Variants in CNTN5 observed in about 807,000 individuals in gnomAD.
The protein encoded by CNTN5 is contactin 5, also known as contactin-5.
In CNTN5, 77 loss-of-function variants were observed where a neutral mutation model predicts 129.1. The ratio of observed to expected loss-of-function variants is 0.60; its 90% CI spans 0.50 to 0.72. CNTN5 has a LOEUF of 0.72. Among genes scored for constraint, CNTN5 ranks in the 30% least tolerant of loss-of-function variants. The pLI, the probability that CNTN5 is intolerant of heterozygous loss-of-function variation, is 0.00. For synonymous variants in CNTN5, 509 were observed against 465.6 expected, an observed-to-expected ratio of 1.09 and a Z score of -1.20; for missense variants, 1,478 against 1,328.8, an observed-to-expected ratio of 1.11 and a Z score of -1.75.
At chr11:100,335,240 A>G (rs1008157338) in intron 21 of CNTN5, among the ~76,000 whole-genome samples, 5 of 152,164 alleles carry the variant, frequency 3.3e-5, no homozygotes, top group African/African-American at 1.2e-4. Flanking sequence ...ATGGTTTTAT[A>G]TGACTGAATG....
At chr11:99,273,594 T>G (rs1332369201) in intron 1 of CNTN5, among the ~76,000 whole-genome samples, 2 of 151,784 alleles carry the variant, frequency 1.3e-5, no homozygotes, top group Admixed American at 6.6e-5. Flanking sequence ...AAAAATATAT[T>G]GTTCCCAAAT....
intron 1 of CNTN5, among the ~76,000 whole-genome samples, chr11:99,054,766 T>A (rs529047495): frequency 6.6e-6 from 1 of 151,974 alleles, no homozygotes; most frequent in East Asian, 1.9e-4. Flanking sequence ...AGGGGTAGGG[T>A]ATTCATAGGT....
At chr11:99,435,884 A>G (rs1042415155) in intron 2 of CNTN5, among the ~76,000 whole-genome samples, 1 of 152,224 alleles carries the variant, frequency 6.6e-6, no homozygotes, top group Admixed American at 6.5e-5. Flanking sequence ...TATGGGGAAG[A>G]TGGTAACAAA....
Position 99,924,292 on chromosome 11 carries a change from G to C in CNTN5, c.673+8143G>C, listed in dbSNP as rs138899822. ...TTTTGGTTTTGTTGCATTTGCTTTTGAGAACTTAGTCATATTTTTTTTGCC... is the reference window on the plus strand; with the variant it reads ...TTTTGGTTTTGTTGCATTTGCTTTTCAGAACTTAGTCATATTTTTTTTGCC... On this transcript the variant is annotated intron_variant, in intron 7 of 24. Transcript: ENST00000524871. Among the ~76,000 whole-genome samples, 270 of 152,124 alleles carry C rather than the reference G, an allele frequency of 1.8e-3. 3 individuals carry two copies. The highest frequency in any genetic ancestry group is 6.0e-3 in the South Asian group (29 of 4,816).
chr11:99,744,332 C>T (rs150489779), intron 3 of CNTN5, among the ~76,000 whole-genome samples: 247 of 151,778 alleles, frequency 1.6e-3, no homozygotes, highest in Middle Eastern at 3.4e-3. Flanking sequence ...AACAAACAAA[C>T]AAACAAACAG....
At chr11:100,120,225 G>C (rs921040527) in intron 13 of CNTN5, among the ~76,000 whole-genome samples, 1 of 151,816 alleles carries the variant, frequency 6.6e-6, no homozygotes, top group Non-Finnish European at 1.5e-5. Context: ...TACTTACTTG[G>C]AATTTTTGTA....
intron 13 of CNTN5, among the ~76,000 whole-genome samples, chr11:100,166,958 GACTT>G (rs908307350): frequency 1.3e-5 from 2 of 151,742 alleles, no homozygotes; most frequent in African/African-American, 4.8e-5. Context: ...TAAGTGAAAT[GACTT>G]ACTTAATGAC....
In CNTN5 at chr11:99,898,313, C is replaced by T. The variant is rs1004606264; in HGVS notation, c.578-17741C>T. On this transcript the variant is annotated intron_variant, in intron 6 of 24. Coordinates refer to ENST00000524871, the MANE Select transcript of CNTN5 (RefSeq NM_014361.4). ...AAGGATAAAGGAAATTGATAGAATGCTAGCTAGCCTAAGGAAAAAAAAGAG... is the reference window on the plus strand; with the variant it reads ...AAGGATAAAGGAAATTGATAGAATGTTAGCTAGCCTAAGGAAAAAAAAGAG... Among the ~76,000 whole-genome samples, 7 of 151,740 alleles carry T rather than the reference C, an allele frequency of 4.6e-5. No homozygotes were observed. In the South Asian group the frequency reaches 1.5e-3, roughly 31 times the overall value.
chr11:99,192,225 T>C (rs1858680626), intron 1 of CNTN5, among the ~76,000 whole-genome samples: 1 of 151,664 alleles, frequency 6.6e-6, no homozygotes, highest in Admixed American at 6.6e-5. Flanking sequence ...ATACAAATAA[T>C]TGTAAGAGAC....
chr11:100,318,833 T>A (rs1433155406), intron 21 of CNTN5, among the ~76,000 whole-genome samples: 1 of 152,024 alleles, frequency 6.6e-6, no homozygotes, highest in Non-Finnish European at 1.5e-5. Context: ...AAGAAAAAGG[T>A]TTACAAAATC....
At chr11:99,241,317 G>GTTTTTTTTT (rs1565430527) in intron 1 of CNTN5, among the ~76,000 whole-genome samples, 1 of 60,128 alleles carries the variant, frequency 1.7e-5, no homozygotes, top group African/African-American at 5.5e-5. Context: ...TTTGATTGTT[G>GTTTTTTTTT]GTTTTTTTTT....
chr11:99,293,962 G>C (rs568961870), intron 1 of CNTN5, among the ~76,000 whole-genome samples: 3 of 150,922 alleles, frequency 2.0e-5, no homozygotes, highest in African/African-American at 7.3e-5. Context: ...TTTGAATTTG[G>C]CATGTTATTG....
intron 2 of CNTN5, among the ~76,000 whole-genome samples, chr11:99,407,989 T>C (rs2134988945): frequency 6.6e-6 from 1 of 152,286 alleles, no homozygotes; most frequent in East Asian, 1.9e-4. Context: ...ACCTGTTCAG[T>C]GCCTCTTTCA....
intron 18 of CNTN5, among the ~76,000 whole-genome samples, chr11:100,295,005 C>A (rs994410041): frequency 6.6e-6 from 1 of 151,688 alleles, no homozygotes; most frequent in East Asian, 1.9e-4. Context: ...CAAAACACTG[C>A]GTGAGCTGCA....
chr11:100,224,706 A>T lies in CNTN5; in HGVS notation c.1899A>T (p.Ala633=). Residue 633 remains alanine (A), a synonymous_variant, in exon 16 of 25, where the codon GCA becomes GCT. Coordinates refer to ENST00000524871, the MANE Select transcript of CNTN5 (RefSeq NM_014361.4). ...CCCTCTTTCAGCAAGCATCCTCTGC[A>T]GATTTAATGATCAGGAACATCCTTC... is the stretch of plus-strand genomic sequence containing the variant. ...FESIRAQASS[A]DLMIRNILLM... 1 of 1,611,826 alleles carries T rather than the reference A, an allele frequency of 6.2e-7. No homozygotes were observed. Among genetic ancestry groups the T allele is most frequent in the Non-Finnish European group, 8.5e-7 (1 of 1,178,262 alleles).
At chr11:99,770,477 A>G (rs1007858361) in intron 3 of CNTN5, among the ~76,000 whole-genome samples, 2 of 152,004 alleles carry the variant, frequency 1.3e-5, no homozygotes, top group Admixed American at 1.3e-4. Flanking sequence ...TTGCTTTAAC[A>G]TGTTCTGGAA....
At chr11:99,198,056 C>T (rs1420355629) in intron 1 of CNTN5, among the ~76,000 whole-genome samples, 1 of 151,994 alleles carries the variant, frequency 6.6e-6, no homozygotes, top group Non-Finnish European at 1.5e-5. Flanking sequence ...CTTTCTATTC[C>T]CAGCTCAATG....
At chr11:99,895,926 G>C (rs1949193826) in intron 6 of CNTN5, among the ~76,000 whole-genome samples, 1 of 152,122 alleles carries the variant, frequency 6.6e-6, no homozygotes, top group East Asian at 1.9e-4. Flanking sequence ...GAAGCAGCTA[G>C]ACTCCATACT....
intron 3 of CNTN5, among the ~76,000 whole-genome samples, chr11:99,795,923 T>G (rs144744789): frequency 6.0e-4 from 91 of 152,314 alleles, no homozygotes; most frequent in Middle Eastern, 3.4e-3. Flanking sequence ...AAGTGCTTCA[T>G]CAGGCAGTTT....
Sources: gnomAD v4.1 joint callset for allele counts (sites outside exome capture counted in the v4.1 genomes callset) on GRCh38, gnomAD v4.1.1 for gene constraint, MANE v1.5 for transcripts, NCBI Gene and HGNC (gene_info 2026-07-23, HGNC 2026-07-21) for gene names.